Variants in ACTR3B observed in about 807,000 individuals in gnomAD.
ACTR3B encodes the protein actin related protein 3B.
ACTR3B carries 8 observed loss-of-function variants against 59.0 expected under a neutral mutation model. The ratio of observed to expected loss-of-function variants is 0.14; its 90% CI spans 0.08 to 0.24. ACTR3B has a LOEUF of 0.24. Among genes scored for constraint, ACTR3B ranks in the 10% least tolerant of loss-of-function variants. The pLI is 1.00. For missense variants in ACTR3B, 245 were observed against 552.3 expected (o/e 0.44, Z 5.58); for synonymous variants, 148 against 197.9 (o/e 0.75, Z 2.12).
In ACTR3B at chr7:152,852,304, C is replaced by G. The variant is rs1798873956; in HGVS notation, c.1077+53C>G. ...CCTGGGGCTATTGCCCCAGGCCTGA[C>G]CGGGGCCCTCCTGACACAGAGCCGA... On this transcript the variant is annotated intron_variant, in intron 10 of 11. Coordinates refer to ENST00000256001, the MANE Select transcript of ACTR3B (RefSeq NM_020445.6). 10 of 1,544,972 alleles carry G rather than the reference C, an allele frequency of 6.5e-6. 1 individual carries two copies. In the South Asian group the frequency reaches 9.9e-5, roughly 15 times the overall value.
At chr7:152,785,384 G>T (rs1253495421) in intron 2 of ACTR3B, among the ~76,000 whole-genome samples, 2 of 12,416 alleles carry the variant, frequency 1.6e-4, no homozygotes, top group African/African-American at 8.5e-4. Context: ...TGTGAGGGGG[G>T]GGGGAGGGGA....
chr7:152,826,855 T>C (rs1381023243), intron 9 of ACTR3B, among the ~76,000 whole-genome samples: 1 of 150,156 alleles, frequency 6.7e-6, no homozygotes, highest in Non-Finnish European at 1.5e-5. Context: ...TGGGAAAAGG[T>C]GGCGAAAGGC....
At chr7:152,781,113 C>T (rs544766731) in intron 1 of ACTR3B, among the ~76,000 whole-genome samples, 4 of 150,102 alleles carry the variant, frequency 2.7e-5, no homozygotes, top group Non-Finnish European at 5.9e-5. Flanking sequence ...ACTCAAAATA[C>T]GAAGATGATA....
At chr7:152,781,181 T>A (rs1479767010) in intron 1 of ACTR3B, among the ~76,000 whole-genome samples, 2 of 150,838 alleles carry the variant, frequency 1.3e-5, no homozygotes, top group East Asian at 3.9e-4. Context: ...CTTTACCATA[T>A]TCGTTTCAGT....
chr7:152,759,824 C>T lies in ACTR3B; in HGVS notation c.-59C>T, dbSNP rs66966963. 0.24 allele frequency: 278,628 copies of T among 1,175,996 alleles called. 39,168 individuals are homozygous for T. Among genetic ancestry groups the T allele is most frequent in the East Asian group, 0.71 (19,714 of 27,758 alleles). The allele number at this position is 1,175,996 out of a possible 1,614,324, so 72.8% of individuals were successfully genotyped here. A position where few individuals can be genotyped will look rare whatever the true frequency, so the allele number is the denominator to read the frequency against. On this transcript the variant is annotated 5_prime_UTR_variant, in exon 1 of 12. Coordinates refer to ENST00000256001, the MANE Select transcript of ACTR3B (RefSeq NM_020445.6). Reference sequence around the variant, plus strand: ...CGCGCGGGGCTAGCGGGCGGCGGAGCGGACGGCGACGGGGCGCTCTCGGGC... The same window carrying T: ...CGCGCGGGGCTAGCGGGCGGCGGAGTGGACGGCGACGGGGCGCTCTCGGGC...
At chr7:152,810,066 G>T (rs187988579) in intron 4 of ACTR3B, among the ~76,000 whole-genome samples, 2 of 151,940 alleles carry the variant, frequency 1.3e-5, no homozygotes, top group Admixed American at 1.3e-4. Context: ...CTGAAACTCC[G>T]TACTCATTGA....
At chr7:152,810,546 G>T (rs534113367) in intron 4 of ACTR3B, among the ~76,000 whole-genome samples, 1 of 151,640 alleles carries the variant, frequency 6.6e-6, no homozygotes, top group Non-Finnish European at 1.5e-5. Flanking sequence ...TGATCCTCCT[G>T]CCTCAGCCTC....
rs573851803 is a variant in ACTR3B, at chr7:152,772,951, G to A, written c.45-10236G>A. On this transcript the variant is annotated intron_variant, in intron 1 of 11. Coordinates refer to ENST00000256001, the MANE Select transcript of ACTR3B (RefSeq NM_020445.6). ...GGGAGATACCACTGTGCTAATTGTC[G>A]TATCTTTCAGAATATGTAGTTAAGG... 1.3e-4 allele frequency among the ~76,000 whole-genome samples: 19 copies of A among 141,080 alleles called. No individual in the cohort carries two copies. The South Asian group carries it at 1.5e-3, about 11-fold the overall frequency. 92.6% of individuals were successfully genotyped at this position (141,080 alleles called of 152,430 possible).
intron 4 of ACTR3B, among the ~76,000 whole-genome samples, chr7:152,805,375 G>A (rs562249335): frequency 6.6e-6 from 1 of 152,262 alleles, no homozygotes; most frequent in South Asian, 2.1e-4. Context: ...TAAAGAAGCC[G>A]AGGAGCAGCC....
intron 4 of ACTR3B, among the ~76,000 whole-genome samples, chr7:152,802,702 C>T (rs2098240419): frequency 6.6e-6 from 1 of 151,652 alleles, no homozygotes; most frequent in Non-Finnish European, 1.5e-5. Context: ...CGTATTAAAC[C>T]TGCATAATTT....
chr7:152,824,918 C>A lies in ACTR3B; in HGVS notation c.859-112C>A. 1.7e-6 allele frequency: 2 copies of A among 1,206,268 alleles called. No homozygotes were observed. The allele number at this position is 1,206,268 out of a possible 1,614,324, so 74.7% of individuals were successfully genotyped here. A position where few individuals can be genotyped will look rare whatever the true frequency, so the allele number is the denominator to read the frequency against. ...CATATCCTTCATTCCAATGTGAATT[C>A]TTTTAAGTTATAATAAATTGTATAT... On this transcript the variant is annotated intron_variant, in intron 8 of 11. Coordinates refer to ENST00000256001, the MANE Select transcript of ACTR3B (RefSeq NM_020445.6). The surrounding 1 kb of genome is among the most constrained non-coding windows in gnomAD (Gnocchi z 4.2).
At chr7:152,762,346 T>C (rs1413978074) in intron 1 of ACTR3B, among the ~76,000 whole-genome samples, 1 of 152,248 alleles carries the variant, frequency 6.6e-6, no homozygotes, top group Non-Finnish European at 1.5e-5. Context: ...TGAAGTCTTT[T>C]GCATTTTTCA....
intron 2 of ACTR3B, among the ~76,000 whole-genome samples, chr7:152,799,325 G>A (rs542153730): frequency 4.6e-4 from 70 of 152,282 alleles, no homozygotes; most frequent in Non-Finnish European, 8.1e-4. Context: ...TGTTCTGATA[G>A]CCAGTGGCCT....
At chr7:152,844,362 A>C (rs1798103146) in intron 9 of ACTR3B, among the ~76,000 whole-genome samples, 1 of 152,172 alleles carries the variant, frequency 6.6e-6, no homozygotes, top group Admixed American at 6.6e-5. Context: ...CAGACCTAAA[A>C]AACTTTTTTT....
Position 152,780,266 on chromosome 7 carries a change from G to A in ACTR3B, c.45-2921G>A, listed in dbSNP as rs1217578509. ...CTGAGGAGGCTGAGGCAGGAGAATCGCTTGAAACAGAAAGGCGGAGGTTGC... is the reference window on the plus strand; with the variant it reads ...CTGAGGAGGCTGAGGCAGGAGAATCACTTGAAACAGAAAGGCGGAGGTTGC... On this transcript the variant is annotated intron_variant, in intron 1 of 11. Transcript: ENST00000256001. 2.1e-4 allele frequency among the ~76,000 whole-genome samples: 32 copies of A among 150,342 alleles called. No homozygotes were observed. The East Asian group carries it at 3.6e-3, about 17-fold the overall frequency.
chr7:152,846,303 C>T (rs1403713268), intron 9 of ACTR3B, among the ~76,000 whole-genome samples: 1 of 148,698 alleles, frequency 6.7e-6, no homozygotes, highest in Non-Finnish European at 1.5e-5. Context: ...GCTCTAGTGC[C>T]TGGGCTGCAG....
At chr7:152,798,664 A>T (rs370124246) in intron 2 of ACTR3B, among the ~76,000 whole-genome samples, 3 of 152,238 alleles carry the variant, frequency 2.0e-5, no homozygotes, top group East Asian at 1.9e-4. Flanking sequence ...CAGGTCTTAC[A>T]TTGAAGTAAG....
chr7:152,777,202 T>A (rs2098138143), intron 1 of ACTR3B, among the ~76,000 whole-genome samples: 1 of 152,210 alleles, frequency 6.6e-6, no homozygotes, highest in African/African-American at 2.4e-5. Context: ...ACCTTCAGTA[T>A]TAGCACCAGT....
intron 9 of ACTR3B, among the ~76,000 whole-genome samples, chr7:152,826,893 T>C (rs1179850515): frequency 6.6e-6 from 1 of 151,472 alleles, no homozygotes; most frequent in Non-Finnish European, 1.5e-5. Context: ...GGTGAGATCA[T>C]GTGGCTGCCA....
Sources: gnomAD v4.1 joint callset for allele counts (sites outside exome capture counted in the v4.1 genomes callset) on GRCh38, gnomAD v4.1.1 for gene constraint, Gnocchi (gnomAD v3.1) non-coding constraint, MANE v1.5 for transcripts, NCBI Gene and HGNC (gene_info 2026-07-23, HGNC 2026-07-21) for gene names.